MECOM: variants seen among roughly 807,000 people sequenced by gnomAD.
MECOM encodes MDS1 and EVI1 complex locus.
Under a neutral mutation model 116.3 loss-of-function variants are expected in MECOM, and 13 were observed. The ratio of observed to expected loss-of-function variants is 0.11; its 90% CI spans 0.07 to 0.18. The LOEUF (loss-of-function observed/expected upper bound fraction) is 0.18. Among genes scored for constraint, MECOM ranks in the 10% least tolerant of loss-of-function variants. The pLI is 1.00. For missense variants in MECOM, 1,299 were observed against 1,509.0 expected (o/e 0.86, Z 2.31); for synonymous variants, 528 against 535.2 (o/e 0.99, Z 0.19).
intron 2 of MECOM, among the ~76,000 whole-genome samples, chr3:169,288,204 A>G (rs748034338): frequency 1.6e-4 from 24 of 150,172 alleles, no homozygotes; most frequent in Non-Finnish European, 3.5e-4. Context: ...GTAGGGGGAG[A>G]AAGAGGAAAG....
intron 1 of MECOM, among the ~76,000 whole-genome samples, chr3:169,579,568 G>A (rs1386818546): frequency 6.6e-6 from 1 of 152,162 alleles, no homozygotes; most frequent in Non-Finnish European, 1.5e-5. Context: ...AGGATATGAT[G>A]CTTTACCACT....
intron 1 of MECOM, among the ~76,000 whole-genome samples, chr3:169,424,815 C>T (rs1453709445): frequency 6.6e-6 from 1 of 152,098 alleles, no homozygotes; most frequent in Non-Finnish European, 1.5e-5. Context: ...TCCTGACATA[C>T]TAGTTCTAAC....
chr3:169,175,610 T>G (rs900144791), intron 2 of MECOM, among the ~76,000 whole-genome samples: 3 of 152,186 alleles, frequency 2.0e-5, no homozygotes, highest in African/African-American at 7.2e-5. Context: ...ACCTGTATTA[T>G]TTCCCATTTA....
chr3:169,309,098 C>T (rs1002980450), intron 2 of MECOM, among the ~76,000 whole-genome samples: 2 of 152,064 alleles, frequency 1.3e-5, no homozygotes, highest in Non-Finnish European at 2.9e-5. Context: ...ATTTTGCTGA[C>T]GTTCAATGAA....
intron 1 of MECOM, among the ~76,000 whole-genome samples, chr3:169,440,095 G>C (rs1396014768): frequency 6.6e-6 from 1 of 152,134 alleles, no homozygotes; most frequent in Non-Finnish European, 1.5e-5. Flanking sequence ...TGCACATAGA[G>C]AGATAAAATA....
chr3:169,263,892 G>A (rs947128261), intron 2 of MECOM, among the ~76,000 whole-genome samples: 4 of 151,734 alleles, frequency 2.6e-5, no homozygotes, highest in African/African-American at 7.3e-5. Context: ...TAGTATGTTG[G>A]TAGAAAGATA....
At chr3:169,640,458 T>C (rs975739356) in intron 1 of MECOM, among the ~76,000 whole-genome samples, 5 of 152,220 alleles carry the variant, frequency 3.3e-5, no homozygotes, top group Non-Finnish European at 5.9e-5. Flanking sequence ...AGAAAAAATA[T>C]TGACACTTTA....
chr3:169,472,487 G>GGAAAA (rs1268876862), intron 1 of MECOM, among the ~76,000 whole-genome samples: 1 of 71,438 alleles, frequency 1.4e-5, no homozygotes, highest in African/African-American at 5.8e-5. Flanking sequence ...GGAAAGGAAA[G>GGAAAA]GAAAGGAAAG....
chr3:169,352,746 AT>A (rs1229029614), intron 2 of MECOM, among the ~76,000 whole-genome samples: 13 of 152,076 alleles, frequency 8.5e-5, no homozygotes, highest in Admixed American at 8.5e-4. Context: ...ATTTGAGCCC[AT>A]ACTCAGAGCA....
intron 1 of MECOM, among the ~76,000 whole-genome samples, chr3:169,642,573 G>A (rs1240315204): frequency 6.6e-6 from 1 of 151,526 alleles, no homozygotes; most frequent in East Asian, 1.9e-4. Context: ...GAGCAGTTCA[G>A]AGAAGATAAA....
chr3:169,144,542 C>T (rs1739137291), intron 2 of MECOM, among the ~76,000 whole-genome samples: 1 of 152,102 alleles, frequency 6.6e-6, no homozygotes, highest in Non-Finnish European at 1.5e-5. Flanking sequence ...GAACTGCCAT[C>T]ATTAGGTATA....
intron 1 of MECOM, among the ~76,000 whole-genome samples, chr3:169,606,183 G>C (rs144071184): frequency 6.6e-6 from 1 of 152,084 alleles, no homozygotes. Flanking sequence ...AGGCTGAGGC[G>C]GGTGTATCAT....
intron 1 of MECOM, among the ~76,000 whole-genome samples, chr3:169,467,398 A>G (rs1275670588): frequency 6.6e-6 from 1 of 152,102 alleles, no homozygotes. Flanking sequence ...CTGTTTTGAA[A>G]CCTAGTTGCA....
In MECOM at chr3:169,574,824, T is replaced by C. The variant is rs536230159; in HGVS notation, c.37+88512A>G. Among the ~76,000 whole-genome samples the C allele has an allele frequency of 4.8e-5, 7 of 145,390 alleles. No individual in the cohort carries two copies. In the South Asian group the frequency reaches 1.1e-3, roughly 22 times the overall value. On this transcript the variant is annotated intron_variant, in intron 1 of 16. Coordinates refer to ENST00000651503, the MANE Select transcript of MECOM (RefSeq NM_004991.4). ...CTTTGGGCACTTATTGGCCTGTATTTATAAAAAAAAAAAAAACTTTTCAAT... is the reference window on the plus strand; with the variant it reads ...CTTTGGGCACTTATTGGCCTGTATTCATAAAAAAAAAAAAAACTTTTCAAT...
rs1178712354 is a variant in MECOM at position 169,273,057 on chromosome 3, AG to A, written c.375+108129del. On this transcript the variant is annotated intron_variant, in intron 2 of 16. Coordinates refer to ENST00000651503, the MANE Select transcript of MECOM (RefSeq NM_004991.4). ...ACAGAAATATGAAAAACAGGTAGTC[AG>A]CTACAGAATAGGAAATTGAGATACT... Among the ~76,000 whole-genome samples the A allele has an allele frequency of 2.6e-5, 4 of 152,268 alleles. No homozygotes were observed. The East Asian group carries it at 7.8e-4, about 30-fold the overall frequency.
intron 1 of MECOM, among the ~76,000 whole-genome samples, chr3:169,408,648 A>G (rs1334729157): frequency 6.6e-6 from 1 of 152,166 alleles, no homozygotes; most frequent in African/African-American, 2.4e-5. Context: ...CAACCACAGT[A>G]CTATTATTTA....
chr3:169,415,350 A>G (rs1249723464), intron 1 of MECOM, among the ~76,000 whole-genome samples: 2 of 152,218 alleles, frequency 1.3e-5, no homozygotes, highest in East Asian at 1.9e-4. Flanking sequence ...TTTTGTCACC[A>G]CCAGGCCTGC....
intron 1 of MECOM, among the ~76,000 whole-genome samples, chr3:169,532,972 T>C (rs1002519595): frequency 1.3e-5 from 2 of 152,176 alleles, no homozygotes; most frequent in African/African-American, 2.4e-5. Flanking sequence ...AGACAGTATA[T>C]CCTCTTTTGT....
rs1733411405 is a variant in MECOM at position 169,127,833 on chromosome 3, C to A, written c.830+11G>T. 2 of 1,607,130 alleles carry A rather than the reference C, an allele frequency of 1.2e-6. No individual in the cohort carries two copies. Among genetic ancestry groups the A allele is most frequent in the Non-Finnish European group, 8.5e-7 (1 of 1,173,874 alleles). On this transcript the variant is annotated intron_variant, in intron 5 of 16. Coordinates refer to ENST00000651503, the MANE Select transcript of MECOM (RefSeq NM_004991.4). ...TACACAAGTTGTATGGTACAACATGCCATTTCTAACCTTTGCAAATCAGGA... is the reference window on the plus strand; with the variant it reads ...TACACAAGTTGTATGGTACAACATGACATTTCTAACCTTTGCAAATCAGGA...
Sources: gnomAD v4.1 joint callset for allele counts (sites outside exome capture counted in the v4.1 genomes callset) on GRCh38, gnomAD v4.1.1 for gene constraint, MANE v1.5 for transcripts, NCBI Gene and HGNC (gene_info 2026-07-23, HGNC 2026-07-21) for gene names.